CNTNAP5: variants seen among roughly 807,000 people sequenced by gnomAD.
CNTNAP5 encodes the protein contactin associated protein family member 5.
A neutral mutation model predicts 150.2 loss-of-function variants in CNTNAP5; 72 were observed. The observed-to-expected ratio is 0.48, with a 90% CI of 0.40 to 0.58. The LOEUF is 0.58. Among genes scored for constraint, CNTNAP5 ranks in the 20% least tolerant of loss-of-function variants. CNTNAP5 has a pLI of 0.00. For synonymous variants in CNTNAP5, 672 were observed against 619.8 expected (o/e 1.08, Z -1.25); for missense variants, 1,636 against 1,626.2 (o/e 1.01, Z -0.10).
chr2:124,778,978 G>A (rs1681387935), intron 17 of CNTNAP5, among the ~76,000 whole-genome samples: 1 of 152,158 alleles, frequency 6.6e-6, no homozygotes, highest in Admixed American at 6.6e-5. Flanking sequence ...CAGTGTTATC[G>A]TCCCTGTTTC....
intron 1 of CNTNAP5, among the ~76,000 whole-genome samples, chr2:124,082,348 CAAAAAAAA>C (rs56285830): frequency 0.017 from 1,234 of 73,582 alleles, 25 homozygotes; most frequent in African/African-American, 0.063. Context: ...GACTCTCTCT[CAAAAAAAA>C]AAAAAAAAAA....
At chr2:124,286,910 G>A (rs757620832) in intron 3 of CNTNAP5, among the ~76,000 whole-genome samples, 3 of 152,130 alleles carry the variant, frequency 2.0e-5, no homozygotes, top group Non-Finnish European at 2.9e-5. Flanking sequence ...AGAAGTCGAG[G>A]TCACAAGATC....
intron 10 of CNTNAP5, among the ~76,000 whole-genome samples, chr2:124,541,798 T>C (rs1427066985): frequency 2.0e-5 from 3 of 152,114 alleles, no homozygotes; most frequent in Non-Finnish European, 4.4e-5. Context: ...CAGGATTCCA[T>C]GATGGATTTA....
chr2:124,752,519 G>T (rs1468602328), intron 14 of CNTNAP5, among the ~76,000 whole-genome samples: 1 of 152,122 alleles, frequency 6.6e-6, no homozygotes, highest in African/African-American at 2.4e-5. Flanking sequence ...AACCTCAAAA[G>T]CACATTTCCT....
chr2:124,083,322 A>T (rs139168174), intron 1 of CNTNAP5, among the ~76,000 whole-genome samples: 21 of 152,330 alleles, frequency 1.4e-4, no homozygotes, highest in African/African-American at 4.3e-4. Flanking sequence ...ACTGCACTCC[A>T]GCCCTGGGCA....
intron 1 of CNTNAP5, among the ~76,000 whole-genome samples, chr2:124,163,502 GC>G (rs761660300): frequency 6.6e-6 from 1 of 152,106 alleles, no homozygotes; most frequent in Non-Finnish European, 1.5e-5. Context: ...ACATGAAGAT[GC>G]TTCAGGACAG....
intron 19 of CNTNAP5, among the ~76,000 whole-genome samples, chr2:124,807,779 G>T (rs1325211998): frequency 3.3e-5 from 5 of 152,138 alleles, no homozygotes; most frequent in South Asian, 4.1e-4. Flanking sequence ...TCTTGTCTAG[G>T]AATGCCACAT....
intron 3 of CNTNAP5, among the ~76,000 whole-genome samples, chr2:124,406,200 A>G (rs1275696952): frequency 6.6e-6 from 1 of 152,364 alleles, no homozygotes; most frequent in South Asian, 2.1e-4. Context: ...AACAAACTGT[A>G]CGGTTTTAAC....
chr2:124,860,474 TC>T lies in CNTNAP5; in HGVS notation c.3218-4830del, dbSNP rs1377453733. On this transcript the variant is annotated intron_variant, in intron 19 of 23. Coordinates refer to ENST00000682447, the MANE Select transcript of CNTNAP5 (RefSeq NM_001367498.1). Reference sequence around the variant, plus strand: ...TTCTTTCCTTCCTTCCTTCCTTCCTTCCTTCCTTCCTTCCTTCCTTCCTTCC... The same window carrying T: ...TTCTTTCCTTCCTTCCTTCCTTCCTTCTTCCTTCCTTCCTTCCTTCCTTCC... Among the ~76,000 whole-genome samples, 40 of 90,894 alleles carry T rather than the reference TC, an allele frequency of 4.4e-4. 3 individuals are homozygous for T. Among genetic ancestry groups the T allele is most frequent in the Non-Finnish European group, 6.1e-4 (29 of 47,238 alleles). 59.6% of individuals were successfully genotyped at this position (90,894 alleles called of 152,430 possible).
chr2:124,306,685 T>G (rs891384543), intron 3 of CNTNAP5, among the ~76,000 whole-genome samples: 2 of 151,568 alleles, frequency 1.3e-5, no homozygotes, highest in African/African-American at 4.8e-5. Context: ...ATCATGGTCA[T>G]GTATTTGCAA....
At chr2:124,319,241 T>C (rs1253273149) in intron 3 of CNTNAP5, among the ~76,000 whole-genome samples, 1 of 152,212 alleles carries the variant, frequency 6.6e-6, no homozygotes, top group Non-Finnish European at 1.5e-5. Context: ...CATTAATACA[T>C]AAGTCCAAAG....
chr2:124,669,676 T>C (rs1417571424), intron 13 of CNTNAP5, among the ~76,000 whole-genome samples: 1 of 152,254 alleles, frequency 6.6e-6, no homozygotes, highest in African/African-American at 2.4e-5. Flanking sequence ...CCTCCAAATA[T>C]GCTCTTCCAG....
intron 22 of CNTNAP5, among the ~76,000 whole-genome samples, chr2:124,904,245 CTTGT>C (rs1200146271): frequency 2.0e-5 from 3 of 152,022 alleles, no homozygotes; most frequent in South Asian, 2.1e-4. Flanking sequence ...CTTTCTGTGT[CTTGT>C]TTATTTCAAA....
chr2:124,317,981 G>A (rs1424871921), intron 3 of CNTNAP5, among the ~76,000 whole-genome samples: 1 of 152,180 alleles, frequency 6.6e-6, no homozygotes, highest in Non-Finnish European at 1.5e-5. Flanking sequence ...ATAAGATCTG[G>A]GGTTGAAGTG....
In CNTNAP5 at chr2:124,737,290, CAA is replaced by C. The variant is rs35374514; in HGVS notation, c.2078-9924_2078-9923del. Among the ~76,000 whole-genome samples, 579 of 126,600 alleles carry C rather than the reference CAA, an allele frequency of 4.6e-3. 7 individuals carry two copies. The highest frequency in any genetic ancestry group is 0.016 in the African/African-American group (548 of 34,466). 83.1% of individuals were successfully genotyped at this position (126,600 alleles called of 152,430 possible). ...TGGGCGACAGAGCGAGACTCCATCT[CAA>C]AAAAAAAAAAAAAATTGGGAACGAT... On this transcript the variant is annotated intron_variant, in intron 13 of 23. Transcript: ENST00000682447.
At chr2:124,072,428 G>A (rs916936848) in intron 1 of CNTNAP5, among the ~76,000 whole-genome samples, 4 of 151,782 alleles carry the variant, frequency 2.6e-5, no homozygotes, top group Admixed American at 2.0e-4. Flanking sequence ...TATAAAGAAA[G>A]AAATCAAAGT....
chr2:124,337,382 A>G (rs1475650560), intron 3 of CNTNAP5, among the ~76,000 whole-genome samples: 1 of 152,100 alleles, frequency 6.6e-6, no homozygotes, highest in Admixed American at 6.5e-5. Flanking sequence ...GTTTAATTAG[A>G]TCCCATTTGT....
chr2:124,776,794 T>C (rs1002233852), intron 17 of CNTNAP5, among the ~76,000 whole-genome samples: 4 of 152,186 alleles, frequency 2.6e-5, no homozygotes, highest in African/African-American at 9.6e-5. Flanking sequence ...AAGCTGTATT[T>C]GCATGGAGGA....
At chr2:124,160,913 A>G (rs938388015) in intron 1 of CNTNAP5, among the ~76,000 whole-genome samples, 1 of 152,062 alleles carries the variant, frequency 6.6e-6, no homozygotes. Flanking sequence ...TTGTTTCCTT[A>G]TATTGTTTGT....
Sources: allele counts gnomAD v4.1 joint callset (sites outside exome capture counted in the v4.1 genomes callset), GRCh38; gene constraint gnomAD v4.1.1; transcripts MANE v1.5; gene names NCBI Gene and HGNC (gene_info 2026-07-23, HGNC 2026-07-21).